Variants in CSGALNACT1 observed in about 807,000 individuals in gnomAD.
CSGALNACT1 encodes the protein chondroitin sulfate N-acetylgalactosaminyltransferase 1.
Under a neutral mutation model 51.0 loss-of-function variants are expected in CSGALNACT1, and 52 were observed. That is an observed-to-expected ratio of 1.02 (90% CI 0.82 to 1.29). The LOEUF is 1.29. Ranked by LOEUF, CSGALNACT1 falls within the 50% of genes most tolerant of loss-of-function variation. CSGALNACT1 has a pLI of 0.00. For synonymous variants in CSGALNACT1, 341 were observed against 254.4 expected, an observed-to-expected ratio of 1.34 and a Z score of -3.24; for missense variants, 935 against 679.2, an observed-to-expected ratio of 1.38 and a Z score of -4.19.
intron 1 of CSGALNACT1, among the ~76,000 whole-genome samples, chr8:19,753,549 T>G (rs1247629907): frequency 6.6e-6 from 1 of 152,210 alleles, no homozygotes; most frequent in African/African-American, 2.4e-5. Flanking sequence ...TTTGTCCATT[T>G]GCTTCTGAGA....
At chr8:19,502,924 A>T (rs1195768231) in intron 4 of CSGALNACT1, among the ~76,000 whole-genome samples, 1 of 151,686 alleles carries the variant, frequency 6.6e-6, no homozygotes, top group African/African-American at 2.4e-5. Flanking sequence ...CACCCAGTTG[A>T]TGATAGAATT....
At chr8:19,467,618 C>T (rs1399143344) in intron 4 of CSGALNACT1, among the ~76,000 whole-genome samples, 1 of 152,062 alleles carries the variant, frequency 6.6e-6, no homozygotes, top group African/African-American at 2.4e-5. Context: ...ATGCAAATGA[C>T]CTGGTTAGTT....
chr8:19,675,834 A>G (rs2154200534), intron 1 of CSGALNACT1, among the ~76,000 whole-genome samples: 2 of 152,208 alleles, frequency 1.3e-5, no homozygotes, highest in East Asian at 3.9e-4. Flanking sequence ...CCAAGGTCTC[A>G]GGTTCATCCA....
intron 1 of CSGALNACT1, among the ~76,000 whole-genome samples, chr8:19,690,603 T>A (rs1432273234): frequency 3.3e-5 from 5 of 152,200 alleles, no homozygotes; most frequent in Non-Finnish European, 7.3e-5. Context: ...ATAAACTACA[T>A]GAGAGGTTCA....
intron 3 of CSGALNACT1, among the ~76,000 whole-genome samples, chr8:19,507,051 A>G (rs1445771839): frequency 1.3e-5 from 2 of 152,234 alleles, no homozygotes; most frequent in Non-Finnish European, 2.9e-5. Flanking sequence ...CTTTCTGATC[A>G]GGAACTGGGG....
intron 3 of CSGALNACT1, among the ~76,000 whole-genome samples, chr8:19,554,819 G>A (rs2089286144): frequency 6.6e-6 from 1 of 152,146 alleles, no homozygotes. Context: ...TCAGGAGGCT[G>A]AGACAGGATA....
chr8:19,416,207 C>A (rs753680346), intron 8 of CSGALNACT1, among the ~76,000 whole-genome samples: 1 of 150,806 alleles, frequency 6.6e-6, no homozygotes, highest in Non-Finnish European at 1.5e-5. Flanking sequence ...CTCTGCCTCC[C>A]GGGTTTAAGT....
intron 1 of CSGALNACT1, among the ~76,000 whole-genome samples, chr8:19,721,087 C>T (rs1325985523): frequency 6.6e-6 from 1 of 152,250 alleles, no homozygotes; most frequent in Non-Finnish European, 1.5e-5. Flanking sequence ...CAGCCCTCTC[C>T]TTTTCTGCTG....
intron 3 of CSGALNACT1, among the ~76,000 whole-genome samples, chr8:19,551,453 A>G (rs1320142914): frequency 6.6e-6 from 1 of 152,110 alleles, no homozygotes; most frequent in East Asian, 1.9e-4. Context: ...CTCTCCCTCA[A>G]TTGGGTGGCA....
rs1406735367 is a variant in CSGALNACT1 at position 19,757,756 on chromosome 8, C to CT, written c.-297+93dup. The CT allele has an allele frequency of 1.3e-5, 2 of 152,642 alleles. No individual in the cohort carries two copies. Among genetic ancestry groups the CT allele is most frequent in the Non-Finnish European group, 2.9e-5 (2 of 68,392 alleles). 9.5% of individuals were successfully genotyped at this position (152,642 alleles called of 1,614,324 possible). ...CCGAGCGCCGACTTCCATGCAAAAA[C>CT]TTTGTAAATCGCACTTCGGGGAATT... On this transcript the variant is annotated intron_variant, in intron 1 of 1. Coordinates refer to the CSGALNACT1 transcript ENST00000517494. The surrounding 1 kb of genome is among the most constrained non-coding windows in gnomAD (Gnocchi z 4.0).
intron 4 of CSGALNACT1, among the ~76,000 whole-genome samples, chr8:19,502,975 T>A (rs2153988930): frequency 1.3e-5 from 2 of 152,274 alleles, no homozygotes; most frequent in Admixed American, 1.3e-4. Flanking sequence ...GAAACATCAC[T>A]ATTCTCAAAG....
intron 1 of CSGALNACT1, among the ~76,000 whole-genome samples, chr8:19,667,547 G>C (rs974345692): frequency 2.4e-4 from 35 of 148,680 alleles, no homozygotes; most frequent in African/African-American, 7.9e-4. Flanking sequence ...CAATGAGAGA[G>C]TCAGTCGTGT....
chr8:19,444,382 TC>T (rs746646076), intron 5 of CSGALNACT1, among the ~76,000 whole-genome samples: 1 of 152,222 alleles, frequency 6.6e-6, no homozygotes, highest in African/African-American at 2.4e-5. Context: ...ATATTTCCAG[TC>T]CTTGATTGCT....
intron 4 of CSGALNACT1, among the ~76,000 whole-genome samples, chr8:19,484,628 C>T (rs1317414280): frequency 6.6e-6 from 1 of 152,126 alleles, no homozygotes; most frequent in Non-Finnish European, 1.5e-5. Flanking sequence ...TCACGCAATT[C>T]CTCCAGATTC....
At chr8:19,569,273 C>G (rs1260070434) in intron 3 of CSGALNACT1, among the ~76,000 whole-genome samples, 1 of 152,120 alleles carries the variant, frequency 6.6e-6, no homozygotes, top group Non-Finnish European at 1.5e-5. Flanking sequence ...GGACTGGATC[C>G]TGCTGTTAAG....
chr8:19,632,310 A>G (rs753402647), intron 1 of CSGALNACT1, among the ~76,000 whole-genome samples: 1 of 152,374 alleles, frequency 6.6e-6, no homozygotes, highest in East Asian at 1.9e-4. Context: ...TTACATTCCA[A>G]TCCTTAATGA....
chr8:19,685,995 C>T (rs566429101), upstream of CSGALNACT1, among the ~76,000 whole-genome samples: 19 of 152,316 alleles, frequency 1.2e-4, no homozygotes, highest in African/African-American at 4.6e-4. Flanking sequence ...CGTAAGTACA[C>T]ACTCTTGGTG....
chr8:19,509,127 A>G (rs570505073), intron 3 of CSGALNACT1, among the ~76,000 whole-genome samples: 13 of 152,362 alleles, frequency 8.5e-5, no homozygotes, highest in African/African-American at 3.1e-4. Context: ...TGTCGGAAAC[A>G]AAATTCCATT....
chr8:19,485,755 C>A (rs2072727672), intron 4 of CSGALNACT1, among the ~76,000 whole-genome samples: 1 of 73,850 alleles, frequency 1.4e-5, no homozygotes. Flanking sequence ...GCCACCTCAG[C>A]TTGCTTTTTT....
Sources: gnomAD v4.1 joint callset for allele counts (sites outside exome capture counted in the v4.1 genomes callset) on GRCh38, gnomAD v4.1.1 for gene constraint, Gnocchi (gnomAD v3.1) non-coding constraint, MANE v1.5 for transcripts, NCBI Gene and HGNC (gene_info 2026-07-23, HGNC 2026-07-21) for gene names.